Variants in TRDN observed in about 807,000 individuals in gnomAD.
TRDN encodes triadin.
In TRDN, 161 loss-of-function variants were observed where a neutral mutation model predicts 149.7. The observed-to-expected ratio is 1.08, with a 90% CI of 0.95 to 1.23. TRDN has a LOEUF of 1.23. TRDN is among the 50% of genes most tolerant of loss of function. TRDN has a pLI of 0.00. For synonymous variants in TRDN, 294 were observed against 250.5 expected (o/e 1.17, Z -1.64); for missense variants, 896 against 823.5 (o/e 1.09, Z -1.08).
chr6:123,409,466 T>A (rs933043716), intron 12 of TRDN, among the ~76,000 whole-genome samples: 8 of 152,324 alleles, frequency 5.3e-5, no homozygotes, highest in African/African-American at 1.9e-4. Context: ...CATATTGCTG[T>A]GAGGATTAAA....
chr6:123,272,867 T>G (rs975327452), intron 29 of TRDN, 97 bp downstream of exon 29: 4 of 905,260 alleles, frequency 4.4e-6, no homozygotes, highest in Non-Finnish European at 5.0e-6. Flanking sequence ...ACATGAATTG[T>G]CCCAAATAAC....
chr6:123,312,027 C>A (rs77901277), intron 24 of TRDN, among the ~76,000 whole-genome samples: 2,915 of 151,950 alleles, frequency 0.019, 98 homozygotes, highest in African/African-American at 0.066. Context: ...GAGTACCAGA[C>A]AAAGAGGTAG....
intron 16 of TRDN, among the ~76,000 whole-genome samples, chr6:123,380,329 A>G (rs1265178851): frequency 2.0e-5 from 3 of 152,186 alleles, no homozygotes; most frequent in African/African-American, 7.2e-5. Context: ...CTATCTCTAT[A>G]TGTACTTTAA....
At chr6:123,275,407 A>G (rs577681428) in intron 26 of TRDN, among the ~76,000 whole-genome samples, 1 of 152,286 alleles carries the variant, frequency 6.6e-6, no homozygotes, top group South Asian at 2.1e-4. Context: ...GAAGATTGCC[A>G]GAAAACACCA....
chr6:123,525,012 T>C (rs1779876437), intron 5 of TRDN, among the ~76,000 whole-genome samples: 3 of 152,112 alleles, frequency 2.0e-5, no homozygotes, highest in Admixed American at 2.0e-4. Flanking sequence ...TGAGATATCA[T>C]CTTACATCAT....
rs1437807477 is a variant in TRDN, at chr6:123,486,801, C to T, written c.853+10392G>A. 3.3e-5 allele frequency among the ~76,000 whole-genome samples: 5 copies of T among 152,096 alleles called. No individual in the cohort carries two copies. In the East Asian group the frequency reaches 9.7e-4, roughly 29 times the overall value. On this transcript the variant is annotated intron_variant, in intron 9 of 40. Coordinates refer to ENST00000334268, the MANE Select transcript of TRDN (RefSeq NM_006073.4). ...CATATTTTGTTTATTGCTATATCTA[C>T]ATCTACTAGGAACTTACTAGTACTG...
chr6:123,460,906 C>G (rs1474452135), intron 10 of TRDN, among the ~76,000 whole-genome samples: 9 of 152,148 alleles, frequency 5.9e-5, no homozygotes, highest in Non-Finnish European at 1.2e-4. Context: ...TCATTTATAT[C>G]TCATCTTCCT....
intron 1 of TRDN, among the ~76,000 whole-genome samples, chr6:123,580,735 G>A (rs1353185524): frequency 1.3e-5 from 2 of 152,124 alleles, no homozygotes; most frequent in African/African-American, 2.4e-5. Context: ...TATAAATAAT[G>A]TTGGAAAACT....
intron 38 of TRDN, among the ~76,000 whole-genome samples, chr6:123,225,820 G>A (rs913387371): frequency 6.6e-6 from 1 of 151,556 alleles, no homozygotes; most frequent in African/African-American, 2.4e-5. Context: ...AGCACATATT[G>A]GAATAATGTG....
intron 38 of TRDN, among the ~76,000 whole-genome samples, chr6:123,249,499 A>G (rs188472268): frequency 3.3e-5 from 5 of 152,296 alleles, no homozygotes; most frequent in African/African-American, 9.6e-5. Flanking sequence ...TTGCAGCACT[A>G]TTCACAATAG....
rs78546041 is a variant in TRDN at position 123,335,948 on chromosome 6, C to T, written c.1420+1671G>A. 4.8e-3 allele frequency among the ~76,000 whole-genome samples: 724 copies of T among 152,030 alleles called. 8 individuals are homozygous for T. Among genetic ancestry groups the T allele is most frequent in the African/African-American group, 0.016 (683 of 41,530 alleles). On this transcript the variant is annotated intron_variant, in intron 22 of 40. Transcript: ENST00000334268. Reference sequence around the variant, plus strand: ...AAATCAAGGACGCTGTTTTTATTGACTTTCATATTACATGAGAGTGGAGGC... The same window carrying T: ...AAATCAAGGACGCTGTTTTTATTGATTTTCATATTACATGAGAGTGGAGGC...
At position 123,483,394 on chromosome 6, in the gene TRDN, G is replaced by C. The variant is rs556923270; in HGVS notation, c.853+13799C>G. ...TGAGATTACAGGCGTGAGCCACTGC[G>C]CCCGGCCAGTATTATTAATTTTTAA... On this transcript the variant is annotated intron_variant, in intron 9 of 40. Coordinates refer to ENST00000334268, the MANE Select transcript of TRDN (RefSeq NM_006073.4). Among the ~76,000 whole-genome samples the C allele has an allele frequency of 2.0e-5, 3 of 151,938 alleles. No homozygotes were observed. The South Asian group carries it at 6.2e-4, about 32-fold the overall frequency.
rs190509739 is a variant in TRDN at position 123,364,652 on chromosome 6, T to G, written c.1321+1483A>C. 1.5e-4 allele frequency among the ~76,000 whole-genome samples: 23 copies of G among 152,164 alleles called. 1 individual carries two copies. The East Asian group carries it at 4.2e-3, about 28-fold the overall frequency. On this transcript the variant is annotated intron_variant, in intron 20 of 40. Transcript: ENST00000334268. ...ACAGAGAAAGACTGTCTCAAAAAAT[T>G]AAAAAATAATAAAAATAAAATCTCA...
intron 1 of TRDN, among the ~76,000 whole-genome samples, chr6:123,609,763 T>C (rs771898381): frequency 1.1e-4 from 16 of 152,170 alleles, no homozygotes; most frequent in Non-Finnish European, 2.2e-4. Context: ...CCTACTTATG[T>C]GCTATCATGA....
chr6:123,241,609 C>T lies in TRDN; in HGVS notation c.1975+10803G>A, dbSNP rs77890628. 6.6e-3 allele frequency among the ~76,000 whole-genome samples: 993 copies of T among 151,492 alleles called. 2 individuals carry two copies. Among genetic ancestry groups the T allele is most frequent in the Non-Finnish European group, 0.012 (789 of 67,806 alleles). On this transcript the variant is annotated intron_variant, in intron 38 of 40. Coordinates refer to ENST00000334268, the MANE Select transcript of TRDN (RefSeq NM_006073.4). ...AAGTTAGAAAGCTTTTGAAAAATCACAAAAGTAAGATAGAAAGAAAGTTGT... is the reference window on the plus strand; with the variant it reads ...AAGTTAGAAAGCTTTTGAAAAATCATAAAAGTAAGATAGAAAGAAAGTTGT...
At chr6:123,387,572 A>G (rs1781953539) in intron 14 of TRDN, among the ~76,000 whole-genome samples, 1 of 152,158 alleles carries the variant, frequency 6.6e-6, no homozygotes, top group African/African-American at 2.4e-5. Context: ...GACAGTGAGA[A>G]AGGCAAATGA....
intron 1 of TRDN, among the ~76,000 whole-genome samples, chr6:123,575,963 T>C (rs1174733297): frequency 6.6e-6 from 1 of 152,180 alleles, no homozygotes; most frequent in Non-Finnish European, 1.5e-5. Flanking sequence ...CATTGCATTC[T>C]CATTACATAA....
At chr6:123,260,028 G>T (rs560282364) in intron 34 of TRDN, among the ~76,000 whole-genome samples, 1 of 149,168 alleles carries the variant, frequency 6.7e-6, no homozygotes, top group Non-Finnish European at 1.5e-5. Flanking sequence ...CAAATTCCTG[G>T]TCTCAAGGGA....
intron 21 of TRDN, among the ~76,000 whole-genome samples, chr6:123,344,386 A>T (rs536960950): frequency 6.6e-6 from 1 of 152,164 alleles, no homozygotes; most frequent in South Asian, 2.1e-4. Context: ...AGTTTCATTC[A>T]GAATAATTTC....
Sources: gnomAD v4.1 joint callset for allele counts (sites outside exome capture counted in the v4.1 genomes callset) on GRCh38, gnomAD v4.1.1 for gene constraint, MANE v1.5 for transcripts, NCBI Gene and HGNC (gene_info 2026-07-23, HGNC 2026-07-21) for gene names.